Variants in EPHA5 observed in about 807,000 individuals in gnomAD.
The protein encoded by EPHA5 is ephrin type-A receptor 5.
EPHA5 carries 60 observed loss-of-function variants against 105.0 expected under a neutral mutation model. The observed-to-expected ratio is 0.57, with a 90% CI of 0.46 to 0.71. The LOEUF is 0.71. Ranked by LOEUF, EPHA5 falls within the 30% of genes least tolerant of loss-of-function variation. The probability of loss-of-function intolerance (pLI) is 0.00; values close to 1 mark genes in which losing one functional copy is unlikely to be tolerated. For missense variants in EPHA5, 1,218 were observed against 1,274.7 expected (o/e 0.96, Z 0.68); for synonymous variants, 513 against 449.1 (o/e 1.14, Z -1.80).
At chr4:65,636,422 T>C (rs1202577892) in intron 2 of EPHA5, among the ~76,000 whole-genome samples, 1 of 152,128 alleles carries the variant, frequency 6.6e-6, no homozygotes, top group Non-Finnish European at 1.5e-5. Flanking sequence ...TGTCTGGTTT[T>C]AAATAATCAG....
rs146920621 is a variant in EPHA5 at position 65,349,543 on chromosome 4, T to C, written c.2446-1340A>G. 9.9e-3 allele frequency among the ~76,000 whole-genome samples: 1,503 copies of C among 152,202 alleles called. 24 individuals carry two copies. The highest frequency in any genetic ancestry group is 0.034 in the African/African-American group (1,428 of 41,546). The stretch of plus-strand genomic sequence containing the variant: ...AAAAGACTAACATGTGCCTTCCCAT[T>C]TTGCAGGAAGGGAAAGATTTAATTT... On this transcript the variant is annotated intron_variant, in intron 13 of 16. Transcript: ENST00000613740.
chr4:65,487,195 C>A (rs918857111), intron 5 of EPHA5, among the ~76,000 whole-genome samples: 8 of 152,144 alleles, frequency 5.3e-5, no homozygotes, highest in African/African-American at 1.9e-4. Context: ...TGGAAAAAGA[C>A]TAATACAAAC....
chr4:65,454,821 A>G (rs1727417269), intron 5 of EPHA5, among the ~76,000 whole-genome samples: 2 of 152,228 alleles, frequency 1.3e-5, no homozygotes, highest in Non-Finnish European at 2.9e-5. Flanking sequence ...AGTCATGCTG[A>G]AGAAATGGGT....
intron 3 of EPHA5, among the ~76,000 whole-genome samples, chr4:65,594,110 A>G (rs1232895056): frequency 6.6e-6 from 1 of 152,200 alleles, no homozygotes; most frequent in Admixed American, 6.5e-5. Flanking sequence ...CAATAAAACA[A>G]AAGGACTATT....
At chr4:65,555,601 T>G (rs1578412810) in intron 3 of EPHA5, among the ~76,000 whole-genome samples, 1 of 141,114 alleles carries the variant, frequency 7.1e-6, no homozygotes, top group East Asian at 1.9e-4. Flanking sequence ...AGTTACTAGT[T>G]TTGTTTTCTT....
chr4:65,615,355 C>T (rs915170398), intron 2 of EPHA5, among the ~76,000 whole-genome samples: 19 of 151,800 alleles, frequency 1.3e-4, no homozygotes, highest in African/African-American at 4.6e-4. Context: ...GATACTTGAA[C>T]ATGATAAAAG....
intron 3 of EPHA5, among the ~76,000 whole-genome samples, chr4:65,593,392 A>G (rs941066244): frequency 6.6e-6 from 1 of 152,156 alleles, no homozygotes. Flanking sequence ...GTCCTAATTT[A>G]TCTGTACCTA....
chr4:65,506,826 G>A (rs571935088), intron 3 of EPHA5, among the ~76,000 whole-genome samples: 1 of 152,032 alleles, frequency 6.6e-6, no homozygotes, highest in Non-Finnish European at 1.5e-5. Context: ...TAGGTTGCCT[G>A]TTCACTCTGT....
intron 5 of EPHA5, among the ~76,000 whole-genome samples, chr4:65,448,037 C>T (rs1049682809): frequency 1.3e-5 from 2 of 151,462 alleles, no homozygotes; most frequent in African/African-American, 4.9e-5. Flanking sequence ...TTTCCAAAAC[C>T]TATAAGTGAA....
chr4:65,416,853 C>G (rs766441732), intron 6 of EPHA5, among the ~76,000 whole-genome samples: 18 of 152,172 alleles, frequency 1.2e-4, no homozygotes, highest in Non-Finnish European at 2.2e-4. Context: ...AAGCGTCTTC[C>G]AAAATTTAAT....
chr4:65,467,637 A>T (rs1020890431), intron 5 of EPHA5, among the ~76,000 whole-genome samples: 3 of 152,196 alleles, frequency 2.0e-5, no homozygotes, highest in Non-Finnish European at 4.4e-5. Flanking sequence ...GAGAGTCTAG[A>T]TCACTTCCAC....
chr4:65,443,683 C>A (rs1726228249), intron 5 of EPHA5, among the ~76,000 whole-genome samples: 2 of 152,154 alleles, frequency 1.3e-5, no homozygotes, highest in South Asian at 2.1e-4. Context: ...AGCAGTAATA[C>A]CTAGAATGGC....
intron 2 of EPHA5, among the ~76,000 whole-genome samples, chr4:65,630,776 G>C (rs1400176213): frequency 6.6e-6 from 1 of 152,118 alleles, no homozygotes; most frequent in East Asian, 1.9e-4. Flanking sequence ...GAACCAGAGA[G>C]AGAAAGCAAC....
intron 8 of EPHA5, among the ~76,000 whole-genome samples, chr4:65,382,688 A>C (rs1719677652): frequency 6.6e-6 from 1 of 151,840 alleles, no homozygotes; most frequent in Admixed American, 6.6e-5. Flanking sequence ...AGGAAGCTTA[A>C]AAACAAAAGT....
chr4:65,443,115 A>G (rs1726175677), intron 5 of EPHA5, among the ~76,000 whole-genome samples: 1 of 152,172 alleles, frequency 6.6e-6, no homozygotes, highest in South Asian at 2.1e-4. Flanking sequence ...AATGTCAGGT[A>G]TAGTAGATGA....
intron 5 of EPHA5, among the ~76,000 whole-genome samples, chr4:65,448,586 T>C (rs1726785175): frequency 6.6e-6 from 1 of 152,098 alleles, no homozygotes; most frequent in South Asian, 2.1e-4. Flanking sequence ...AGGCAGAGGT[T>C]GCAATGAGCT....
intron 14 of EPHA5, among the ~76,000 whole-genome samples, chr4:65,347,231 A>T (rs1722309270): frequency 6.6e-6 from 1 of 152,188 alleles, no homozygotes; most frequent in Non-Finnish European, 1.5e-5. Flanking sequence ...TGTTCAATAT[A>T]CTAGCTTTAC....
At chr4:65,559,480 T>C (rs1171141431) in intron 3 of EPHA5, among the ~76,000 whole-genome samples, 3 of 152,154 alleles carry the variant, frequency 2.0e-5, no homozygotes, top group Non-Finnish European at 4.4e-5. Flanking sequence ...AGGAAATCAT[T>C]TGTTTCAGGA....
At chr4:65,475,227 A>T (rs75356842) in intron 5 of EPHA5, among the ~76,000 whole-genome samples, 2,225 of 152,266 alleles carry the variant, frequency 0.015, 17 homozygotes, top group Non-Finnish European at 0.023. Flanking sequence ...TCTAAAGACG[A>T]TGCATGCTTT....
Sources: gnomAD v4.1 joint callset for allele counts (sites outside exome capture counted in the v4.1 genomes callset) on GRCh38, gnomAD v4.1.1 for gene constraint, MANE v1.5 for transcripts, NCBI Gene and HGNC (gene_info 2026-07-23, HGNC 2026-07-21) for gene names.